SPPL3: variants seen among roughly 807,000 people sequenced by gnomAD.
SPPL3 encodes the protein signal peptide peptidase like 3.
Under a neutral mutation model 42.4 loss-of-function variants are expected in SPPL3, and 5 were observed. That is an observed-to-expected ratio of 0.12 (90% CI 0.06 to 0.25). SPPL3 has a LOEUF of 0.25. SPPL3 is among the 10% of genes least tolerant of loss of function. The probability of loss-of-function intolerance (pLI) is 1.00; values close to 1 mark genes in which losing one functional copy is unlikely to be tolerated. For synonymous variants in SPPL3, 195 were observed against 181.8 expected (o/e 1.07, Z -0.58); for missense variants, 235 against 489.0 (o/e 0.48, Z 4.90).
At chr12:120,786,103 A>C (rs1869713763) in intron 3 of SPPL3, among the ~76,000 whole-genome samples, 1 of 152,174 alleles carries the variant, frequency 6.6e-6, no homozygotes, top group Non-Finnish European at 1.5e-5. Flanking sequence ...ATAAAACAAA[A>C]TGCTTCTCAG....
intron 1 of SPPL3, among the ~76,000 whole-genome samples, chr12:120,821,136 G>A (rs1484575981): frequency 6.6e-6 from 1 of 152,186 alleles, no homozygotes; most frequent in Admixed American, 6.5e-5. Flanking sequence ...AGATGATCTG[G>A]AGTAATTTTG....
intron 6 of SPPL3, 68 bp downstream of exon 6, chr12:120,782,587 G>A (rs1592959714): frequency 1.6e-6 from 2 of 1,215,900 alleles, no homozygotes; most frequent in East Asian, 5.2e-5. Flanking sequence ...ACAGCTCTGT[G>A]AATATCCTAA....
chr12:120,817,181 G>A (rs1407300293), intron 1 of SPPL3, among the ~76,000 whole-genome samples: 1 of 151,530 alleles, frequency 6.6e-6, no homozygotes, highest in African/African-American at 2.4e-5. Context: ...TGTAGTTCCA[G>A]CTACTTGGGA....
chr12:120,766,712 T>C (rs1296446704), intron 9 of SPPL3, among the ~76,000 whole-genome samples: 1 of 152,192 alleles, frequency 6.6e-6, no homozygotes, highest in Admixed American at 6.5e-5. Context: ...CTACTCACAA[T>C]AGCTAACATA....
chr12:120,795,321 A>T (rs915792758), intron 2 of SPPL3, among the ~76,000 whole-genome samples: 1 of 152,198 alleles, frequency 6.6e-6, no homozygotes, highest in Non-Finnish European at 1.5e-5. Context: ...TGGTGATCTT[A>T]ACTCCCTTGT....
intron 4 of SPPL3, among the ~76,000 whole-genome samples, chr12:120,784,021 A>AT (rs201941413): frequency 2.2e-4 from 34 of 151,688 alleles, no homozygotes; most frequent in African/African-American, 5.6e-4. Flanking sequence ...CATTTTGCCG[A>AT]TTTTTTTTTA....
In SPPL3 at chr12:120,764,105, G is replaced by A. The variant is rs1868781370; in HGVS notation, c.*894C>T. 6.6e-6 allele frequency: 1 copy of A among 152,496 alleles called. No homozygotes were observed. Among genetic ancestry groups the A allele is most frequent in the Non-Finnish European group, 1.5e-5 (1 of 68,050 alleles). The allele number at this position is 152,496 out of a possible 1,614,324, so 9.4% of individuals were successfully genotyped here. On this transcript the variant is annotated 3_prime_UTR_variant, in exon 11 of 11. Transcript: ENST00000353487. The stretch of plus-strand genomic sequence containing the variant: ...TCAAAACCAAGTAAGGGCTCCTGAA[G>A]TCCATGAGTCTATCATCAATCAGCA...
chr12:120,896,240 C>G (rs912024946), intron 1 of SPPL3, among the ~76,000 whole-genome samples: 1 of 152,148 alleles, frequency 6.6e-6, no homozygotes, highest in African/African-American at 2.4e-5. Flanking sequence ...GGAGCTCAAC[C>G]TAGTCGTTCC....
In SPPL3 at chr12:120,850,372, G is replaced by A. The variant is rs780851483; in HGVS notation, c.24-39486C>T. Among the ~76,000 whole-genome samples the A allele has an allele frequency of 4.3e-4, 65 of 151,862 alleles. 1 individual carries two copies. The highest frequency in any genetic ancestry group is 7.7e-4 in the Non-Finnish European group (52 of 67,958). On this transcript the variant is annotated intron_variant, in intron 1 of 10. Transcript: ENST00000353487. ...TGTCTACACCACAGAAGTTTATGCC[G>A]CATTGTAAGGAAGTCTAAAAGGCCA...
At chr12:120,780,099 C>A (rs1345753400) in intron 6 of SPPL3, among the ~76,000 whole-genome samples, 3 of 151,250 alleles carry the variant, frequency 2.0e-5, no homozygotes, top group Non-Finnish European at 4.4e-5. Flanking sequence ...TGCTTGTAAT[C>A]CCAGTGCTTT....
At chr12:120,847,776 G>A (rs907675559) in intron 1 of SPPL3, among the ~76,000 whole-genome samples, 1 of 151,958 alleles carries the variant, frequency 6.6e-6, no homozygotes, top group Non-Finnish European at 1.5e-5. Flanking sequence ...TAGTAAAAAG[G>A]GAGCTAATAT....
intron 1 of SPPL3, among the ~76,000 whole-genome samples, chr12:120,879,352 T>G (rs1873212649): frequency 6.6e-6 from 1 of 152,010 alleles, no homozygotes. Flanking sequence ...TACGGACTGA[T>G]TCTCTTCTTC....
At chr12:120,865,483 T>A (rs1943554295) in intron 1 of SPPL3, among the ~76,000 whole-genome samples, 1 of 152,218 alleles carries the variant, frequency 6.6e-6, no homozygotes, top group Admixed American at 6.5e-5. Context: ...CAATAGTATC[T>A]ATCTATGAAA....
At chr12:120,771,417 C>T (rs1399969627) in intron 6 of SPPL3, among the ~76,000 whole-genome samples, 3 of 152,218 alleles carry the variant, frequency 2.0e-5, no homozygotes, top group African/African-American at 4.8e-5. Context: ...CAACTGGCTC[C>T]GCTCCTCGTC....
chr12:120,825,125 T>A (rs1019247070), intron 1 of SPPL3, among the ~76,000 whole-genome samples: 4 of 151,102 alleles, frequency 2.6e-5, no homozygotes, highest in African/African-American at 9.7e-5. Context: ...TAAACTCATT[T>A]AAAAAAAAAG....
At chr12:120,842,791 G>T (rs1458722735) in intron 1 of SPPL3, among the ~76,000 whole-genome samples, 4 of 151,994 alleles carry the variant, frequency 2.6e-5, no homozygotes, top group African/African-American at 9.7e-5. Context: ...TGGAGATTAG[G>T]TTTCAACATA....
At chr12:120,845,251 T>C in intron 1 of SPPL3, 2 of 382,876 alleles carry the variant, frequency 5.2e-6, no homozygotes, top group Non-Finnish European at 5.3e-6. Context: ...CCCTGCTGCA[T>C]TCACGGCATT....
rs1358813240 is a variant in SPPL3, at chr12:120,904,147, T to TGGCGGC, written c.-286_-281dup. On this transcript the variant is annotated 5_prime_UTR_variant, in exon 1 of 11. Transcript: ENST00000353487. ...CTCCGCTGCAGCTCCAAACCCAACA[T>TGGCGGC]GGCGGCGGCGGCGGCGCGGAGAACA... 15 of 276,756 alleles carry TGGCGGC rather than the reference T, an allele frequency of 5.4e-5. 2 individuals are homozygous for TGGCGGC. Among genetic ancestry groups the TGGCGGC allele is most frequent in the South Asian group, 1.5e-4 (1 of 6,564 alleles). 17.1% of individuals were successfully genotyped at this position (276,756 alleles called of 1,614,324 possible).
intron 1 of SPPL3, among the ~76,000 whole-genome samples, chr12:120,881,513 A>G (rs1449349608): frequency 6.8e-6 from 1 of 146,606 alleles, no homozygotes; most frequent in African/African-American, 2.5e-5. Flanking sequence ...AAAAAATTAA[A>G]TGTTGAATTG....
Sources: allele counts gnomAD v4.1 joint callset (sites outside exome capture counted in the v4.1 genomes callset), GRCh38; gene constraint gnomAD v4.1.1; transcripts MANE v1.5; gene names NCBI Gene and HGNC (gene_info 2026-07-23, HGNC 2026-07-21).